Variants in USP16 observed in about 807,000 individuals in gnomAD.
USP16 encodes the protein ubiquitin carboxyl-terminal hydrolase 16.
USP16 carries 77 observed loss-of-function variants against 95.9 expected under a neutral mutation model. The ratio of observed to expected loss-of-function variants is 0.80; its 90% confidence interval spans 0.67 to 0.97. USP16 has a LOEUF of 0.97. Ranked by LOEUF, USP16 falls within the 50% of genes least tolerant of loss-of-function variation. The pLI, the probability that USP16 is intolerant of heterozygous loss-of-function variation, is 0.00. For missense variants in USP16, 943 were observed against 959.9 expected (o/e 0.98, Z 0.23); for synonymous variants, 303 against 318.2 (o/e 0.95, Z 0.51).
intron 12 of USP16, 157 bp downstream of exon 12, chr21:29,042,685 A>G: frequency 1.7e-6 from 1 of 582,902 alleles, no homozygotes; most frequent in South Asian, 2.4e-5. Context: ...TTGAATAAAG[A>G]ACAGGGTAAC....
Position 29,042,495 on chromosome 21 carries a change from C to T in USP16, c.1146C>T (p.Phe382=). 1.9e-6 allele frequency: 3 copies of T among 1,602,962 alleles called. No individual in the cohort carries two copies. Among genetic ancestry groups the T allele is most frequent in the Non-Finnish European group, 2.5e-6 (3 of 1,176,528 alleles). ...AGGTCTCCTTGGTTCATGAATCTTT[C>T]CTTGATTTGTCCCTCCCAGTTTTAG... ...CRTVSLVHES[F]LDLSLPVLDD... is the part of the protein sequence containing the mutation. The change falls in exon 12 of 18, where the codon TTC becomes TTT. Residue 382 remains phenylalanine (F), a synonymous_variant. Coordinates refer to ENST00000399976, the MANE Select transcript of USP16 (RefSeq NM_006447.3).
rs968283638 is a variant in USP16, at chr21:29,046,585, C to T, written c.1357-82C>T. 4 of 1,398,102 alleles carry T rather than the reference C, an allele frequency of 2.9e-6. No homozygotes were observed. In the African/African-American group the frequency reaches 5.8e-5, roughly 20 times the overall value. The allele number at this position is 1,398,102 out of a possible 1,614,324, so 86.6% of individuals were successfully genotyped here. On this transcript the variant is annotated intron_variant, in intron 13 of 17. Transcript: ENST00000399976. ...GATATAGTACATGTGTGTGTTTTGT[C>T]CTTCTTCCTCTATCTCTCTTCCTCC...
chr21:29,051,884 G>A (rs899030328), intron 16 of USP16, among the ~76,000 whole-genome samples: 10 of 151,642 alleles, frequency 6.6e-5, no homozygotes, highest in East Asian at 1.9e-4. Context: ...GGAAGAGGCC[G>A]CTAAGGACAA....
At chr21:29,052,529 T>C (rs1304724565) in intron 16 of USP16, 1 of 152,192 alleles carries the variant, frequency 6.6e-6, no homozygotes, top group African/African-American at 2.4e-5. Context: ...GCTCCCATGA[T>C]TCAGTTGCGT....
At chr21:29,042,378 A>T in intron 11 of USP16, 94 bp from the exon 12 acceptor site, 1 of 1,250,278 alleles carries the variant, frequency 8.0e-7, no homozygotes, top group South Asian at 1.4e-5. Flanking sequence ...TTTAAAACCC[A>T]TCCCCTACTC....
chr21:29,036,463 A>G, intron 5 of USP16, 89 bp downstream of exon 5: 1 of 1,212,398 alleles, frequency 8.2e-7, no homozygotes, highest in Non-Finnish European at 1.2e-6. Flanking sequence ...AGCATTACAT[A>G]CAGCTGAGTA....
rs372869578 is a variant in USP16, at chr21:29,039,171, C to T, written c.863+15C>T. Reference sequence around the variant, plus strand: ...GTCTGTAAAAAGTGAGTATCCACTTCGATTGTGCTTTCAGTGCCTCAGTGA... The same window carrying T: ...GTCTGTAAAAAGTGAGTATCCACTTTGATTGTGCTTTCAGTGCCTCAGTGA... On this transcript the variant is annotated intron_variant, in intron 8 of 17. Coordinates refer to ENST00000399976, the MANE Select transcript of USP16 (RefSeq NM_006447.3). 1.6e-4 allele frequency: 231 copies of T among 1,488,812 alleles called. No homozygotes were observed. The African/African-American group carries it at 2.5e-3, about 16-fold the overall frequency. The allele number at this position is 1,488,812 out of a possible 1,614,324, so 92.2% of individuals were successfully genotyped here.
intron 15 of USP16, 74 bp downstream of exon 15, chr21:29,048,929 T>C: frequency 1.8e-6 from 2 of 1,099,976 alleles, no homozygotes; most frequent in Non-Finnish European, 2.7e-6. Flanking sequence ...CATTACTGTC[T>C]CAACATACTA....
chr21:29,048,040 A>G (rs1022795848), intron 14 of USP16, among the ~76,000 whole-genome samples: 1 of 143,312 alleles, frequency 7.0e-6, no homozygotes, highest in African/African-American at 2.6e-5. Flanking sequence ...ATCAGCTCAG[A>G]GACGATACGT....
rs2085254631 is a variant in USP16 at position 29,042,170 on chromosome 21, CA to C, written c.1122+70del. On this transcript the variant is annotated intron_variant, in intron 11 of 17. Transcript: ENST00000399976. Reference sequence around the variant, plus strand: ...TCAACAGTTTATCAATTGTTTATTTCAAAAGCAGAAATCTCTACCTTCATAG... The same window carrying C: ...TCAACAGTTTATCAATTGTTTATTTCAAAGCAGAAATCTCTACCTTCATAG... 3.6e-6 allele frequency: 5 copies of C among 1,402,492 alleles called. No individual in the cohort carries two copies. The South Asian group carries it at 6.3e-5, about 18-fold the overall frequency. The allele number at this position is 1,402,492 out of a possible 1,614,324, so 86.9% of individuals were successfully genotyped here. A position where few individuals can be genotyped will look rare whatever the true frequency, so the allele number is the denominator to read the frequency against.
intron 5 of USP16, among the ~76,000 whole-genome samples, chr21:29,036,672 C>T (rs1001132452): frequency 6.6e-6 from 1 of 152,134 alleles, no homozygotes; most frequent in East Asian, 1.9e-4. Flanking sequence ...TTCTTACTGT[C>T]GTACATTTTG....
Position 29,039,113 on chromosome 21 carries a change from G to C in USP16, c.820G>C (p.Gly274Arg), listed in dbSNP as rs773899212. The change falls in exon 8 of 18, where the codon GGG (glycine) becomes CGG (arginine). Residue 274 changes from glycine (G) to arginine (R), a missense_variant. Physicochemically the swap from Gly to Arg is moderately radical, Grantham distance 125 (BLOSUM62 -2). Coordinates refer to ENST00000399976, the MANE Select transcript of USP16 (RefSeq NM_006447.3). ...TAATGAGATGCAAGAGACCAAAAAG[G>C]GGGTTGTGACACCGAAAGAACTCTT... Reference protein sequence around the residue: ...FLNEMQETKKGVVTPKELFSQ... With the variant: ...FLNEMQETKKRVVTPKELFSQ... 6.3e-7 allele frequency: 1 copy of C among 1,584,218 alleles called. No individual in the cohort carries two copies. Among genetic ancestry groups the C allele is most frequent in the South Asian group, 1.1e-5 (1 of 87,000 alleles).
Position 29,040,943 on chromosome 21 carries a change from G to T in USP16, c.1030+256G>T, listed in dbSNP as rs1398830595. Among the ~76,000 whole-genome samples the T allele has an allele frequency of 2.0e-5, 3 of 152,164 alleles. No individual in the cohort carries two copies. The East Asian group carries it at 5.8e-4, about 29-fold the overall frequency. ...CAAAAGCTTAAAATTATAATTAGCA[G>T]TAATACATGAATTATATTTGTTACT... On this transcript the variant is annotated intron_variant, in intron 10 of 17. Transcript: ENST00000399976.
rs1013906738 is a variant in USP16, at chr21:29,039,229, A to G, written c.863+73A>G. On this transcript the variant is annotated intron_variant, in intron 8 of 17. Transcript: ENST00000399976. Reference sequence around the variant, plus strand: ...AGAAATAATATTAATATTAAATAGTAAAATATAAAAATATTAATAGCATTA... The same window carrying G: ...AGAAATAATATTAATATTAAATAGTGAAATATAAAAATATTAATAGCATTA... 4.9e-6 allele frequency: 6 copies of G among 1,230,148 alleles called. No individual in the cohort carries two copies. The African/African-American group carries it at 9.4e-5, about 19-fold the overall frequency. The allele number at this position is 1,230,148 out of a possible 1,614,324, so 76.2% of individuals were successfully genotyped here.
chr21:29,053,687 T>A, intron 16 of USP16, 115 bp from the exon 17 acceptor site: 1 of 1,039,966 alleles, frequency 9.6e-7, no homozygotes, highest in Non-Finnish European at 1.4e-6. Context: ...ATGAATGATT[T>A]CTGCACTCTC....
intron 1 of USP16, among the ~76,000 whole-genome samples, chr21:29,026,933 T>C (rs2085001377): frequency 6.6e-6 from 1 of 152,086 alleles, no homozygotes. Context: ...GGCCTATGAG[T>C]GCAAAGTTTA....
intron 1 of USP16, among the ~76,000 whole-genome samples, chr21:29,025,221 C>T (rs1212746191): frequency 6.6e-6 from 1 of 152,160 alleles, no homozygotes. Context: ...AACTTGAAAG[C>T]CACGTTAACA....
chr21:29,047,070 C>A lies in USP16; in HGVS notation c.1760C>A (p.Pro587His), dbSNP rs1189181020. 1 of 1,613,880 alleles carries A rather than the reference C, an allele frequency of 6.2e-7. No individual in the cohort carries two copies. The highest frequency in any genetic ancestry group is 8.5e-7 in the Non-Finnish European group (1 of 1,180,022). ...CTAAATTTGAATGCTGCTCTTCATC[C>A]TGATGAAATAAATATAGAGATTCTG... ...KNLNLNAALH[P>H]DEINIEILND... The change falls in exon 14 of 18, where the codon CCT becomes CAT. Residue 587 changes from proline (P) to histidine (H), a missense_variant. Coordinates refer to ENST00000399976, the MANE Select transcript of USP16 (RefSeq NM_006447.3).
chr21:29,036,487 T>C, intron 5 of USP16, 113 bp downstream of exon 5: 1 of 988,626 alleles, frequency 1.0e-6, no homozygotes, highest in Non-Finnish European at 1.5e-6. Flanking sequence ...TTAGTTATGG[T>C]TGATTGCAAA....
Sources: allele counts gnomAD v4.1 joint callset (sites outside exome capture counted in the v4.1 genomes callset), GRCh38; gene constraint gnomAD v4.1.1; transcripts MANE v1.5; gene names NCBI Gene and HGNC (gene_info 2026-07-23, HGNC 2026-07-21).